NR4A1: variants seen among roughly 807,000 people sequenced by gnomAD.
NR4A1 encodes the protein nuclear receptor subfamily 4immunitygroup A member 1.
NR4A1 carries 24 observed loss-of-function variants against 47.5 expected under a neutral mutation model. That is an observed-to-expected ratio of 0.50 (90% CI 0.37 to 0.71). NR4A1 has a LOEUF of 0.71. NR4A1 is among the 30% of genes least tolerant of loss of function. The pLI, the probability that NR4A1 is intolerant of heterozygous loss-of-function variation, is 0.00. For missense variants in NR4A1, 669 were observed against 788.6 expected, an observed-to-expected ratio of 0.85 and a Z score of 1.82; for synonymous variants, 353 against 345.7, an observed-to-expected ratio of 1.02 and a Z score of -0.24.
At chr12:52,043,986 C>A in intron 2 of NR4A1, 1 of 1,245,206 alleles carries the variant, frequency 8.0e-7, no homozygotes, top group Non-Finnish European at 1.1e-6. Flanking sequence ...ACTGTCATGC[C>A]AAACCCTTTG....
intron 1 of NR4A1, chr12:52,038,112 TG>T: frequency 1.0e-6 from 1 of 955,946 alleles, no homozygotes; most frequent in Non-Finnish European, 1.2e-6. Flanking sequence ...TTGCCCAGGC[TG>T]GAGTGCAGTA....
At chr12:52,047,759 G>T (rs377485243), upstream of NR4A1, among the ~76,000 whole-genome samples, 16 of 152,360 alleles carry the variant, frequency 1.1e-4, no homozygotes, top group East Asian at 5.8e-4. Context: ...GCTTATGGGT[G>T]GGCCTACCCC....
Position 52,028,037 on chromosome 12 carries a change from A to C in NR4A1, c.-84+5098A>C, listed in dbSNP as rs936620039. Among the ~76,000 whole-genome samples, 36 of 151,976 alleles carry C rather than the reference A, an allele frequency of 2.4e-4. 1 individual carries two copies. Among genetic ancestry groups the C allele is most frequent in the African/African-American group, 8.2e-4 (34 of 41,442 alleles). ...GGCAACATGATGAAATCCTGTCTCT[A>C]CAAAAAATACAAAAATTAGCCGGGC... On this transcript the variant is annotated intron_variant, in intron 1 of 7. Coordinates refer to the NR4A1 transcript ENST00000360284.
At chr12:52,058,585 C>T in intron 6 of NR4A1, 103 bp from the exon 7 acceptor site, 1 of 1,390,626 alleles carries the variant, frequency 7.2e-7, no homozygotes, top group Non-Finnish European at 9.5e-7. Flanking sequence ...GCCAGCAGAG[C>T]ATGAGGGGTG....
At chr12:52,055,874 T>G in intron 2 of NR4A1, 156 bp from the exon 3 acceptor site, 1 of 346,716 alleles carries the variant, frequency 2.9e-6, no homozygotes. Context: ...CAACCCCGTC[T>G]CTCCCTCCCT....
Position 52,056,026 on chromosome 12 carries a change from C to T in NR4A1, c.877-4C>T, listed in dbSNP as rs774546734. The T allele has an allele frequency of 6.6e-7, 1 of 1,525,926 alleles. No homozygotes were observed. Among genetic ancestry groups the T allele is most frequent in the Non-Finnish European group, 8.8e-7 (1 of 1,135,612 alleles). The allele number at this position is 1,525,926 out of a possible 1,614,324, so 94.5% of individuals were successfully genotyped here. A position where few individuals can be genotyped will look rare whatever the true frequency, so the allele number is the denominator to read the frequency against. On this transcript the variant is annotated splice_polypyrimidine_tract_variant and splice_region_variant and intron_variant, in intron 2 of 6. Transcript: ENST00000394825. Reference sequence around the variant, plus strand: ...AGCTTGTTCCGTGTTGCCCCCCCACCCAGCGCACAGTGCAGAAAAACGCCA... The same window carrying T: ...AGCTTGTTCCGTGTTGCCCCCCCACTCAGCGCACAGTGCAGAAAAACGCCA...
At chr12:52,034,491 T>C (rs1938195889) in intron 1 of NR4A1, among the ~76,000 whole-genome samples, 1 of 152,192 alleles carries the variant, frequency 6.6e-6, no homozygotes, top group South Asian at 2.1e-4. Context: ...ACCTTTTCTC[T>C]CCTCACCTTT....
chr12:52,052,742 T>A, intron 1 of NR4A1: 1 of 850,430 alleles, frequency 1.2e-6, no homozygotes, highest in Non-Finnish European at 1.4e-6. Flanking sequence ...AGAAACAGGA[T>A]TTGAATAAGG....
chr12:52,037,991 C>G, intron 1 of NR4A1: 1 of 985,028 alleles, frequency 1.0e-6, no homozygotes, highest in Non-Finnish European at 1.2e-6. Context: ...ATTTCCAGAC[C>G]TCCTCCATGG....
At chr12:52,040,658 G>T (rs1938399391) in intron 1 of NR4A1, among the ~76,000 whole-genome samples, 1 of 152,298 alleles carries the variant, frequency 6.6e-6, no homozygotes, top group South Asian at 2.1e-4. Flanking sequence ...GGAGGGAGGG[G>T]TGCTGACAAT....
At chr12:52,034,316 G>C (rs1176437226) in intron 1 of NR4A1, among the ~76,000 whole-genome samples, 3 of 152,194 alleles carry the variant, frequency 2.0e-5, no homozygotes, top group Admixed American at 2.0e-4. Flanking sequence ...GGATGTCCTG[G>C]CAATGTTTCC....
In NR4A1 at chr12:52,054,391, G is replaced by A; in HGVS notation, c.63G>A (p.Leu21=). The change falls in exon 2 of 7, where the codon CTG becomes CTA. Residue 21 remains leucine, a synonymous_variant. Coordinates refer to ENST00000394825, the MANE Select transcript of NR4A1 (RefSeq NM_173157.3). ...CGAGTCCGGGACCCCGTGACCACCT[G>A]GCAAGCGACCCCCTGACCCCTGAGT... The part of the protein sequence containing the change: ...PAPSPGPRDH[L]ASDPLTPEFI... The A allele has an allele frequency of 6.2e-7, 1 of 1,613,474 alleles. No individual in the cohort carries two copies.
chr12:52,025,204 C>A (rs981329469), intron 1 of NR4A1, among the ~76,000 whole-genome samples: 4 of 151,990 alleles, frequency 2.6e-5, no homozygotes, highest in Non-Finnish European at 5.9e-5. Flanking sequence ...GGATTCCAGG[C>A]GGCCGCCACC....
chr12:52,054,901 C>T lies in NR4A1; in HGVS notation c.573C>T (p.Ser191=), dbSNP rs1369703710. The part of the protein sequence containing the change: ...SGPPQPPAFF[S]FSPPTGPSPS... ...CCCCACAGCCTCCAGCCTTCTTTTC[C>T]TTCAGTCCTCCCACCGGCCCCAGCC... is the stretch of plus-strand genomic sequence containing the variant. The change falls in exon 2 of 7, where the codon TCC becomes TCT. Residue 191 remains serine, a synonymous_variant. Transcript: ENST00000394825. 37 of 1,614,036 alleles carry T rather than the reference C, an allele frequency of 2.3e-5. No individual in the cohort carries two copies. Among genetic ancestry groups the T allele is most frequent in the Admixed American group, 3.3e-5 (2 of 60,006 alleles).
At chr12:52,057,011 G>A (rs771535392) in intron 4 of NR4A1, 46 bp from the exon 5 acceptor site, 8 of 1,521,294 alleles carry the variant, frequency 5.3e-6, no homozygotes, top group South Asian at 1.2e-5. Context: ...GGCAGTGGGT[G>A]TAGGAGCCTG....
intron 1 of NR4A1, among the ~76,000 whole-genome samples, chr12:52,041,199 C>T (rs1938421718): frequency 6.6e-6 from 1 of 152,056 alleles, no homozygotes; most frequent in African/African-American, 2.4e-5. Flanking sequence ...TTTTTTTAAG[C>T]CTGCTGATAA....
Position 52,059,094 on chromosome 12 carries a change from C to A in NR4A1, c.*150C>A. ...CCTGCTCCAGGAGGTTTGCAGGGAG[C>A]TCAAGCCCTTGGGGAGGGGGATGCC... is the stretch of plus-strand genomic sequence containing the variant. On this transcript the variant is annotated 3_prime_UTR_variant, in exon 7 of 7. Coordinates refer to ENST00000394825, the MANE Select transcript of NR4A1 (RefSeq NM_173157.3). 1 of 1,042,822 alleles carries A rather than the reference C, an allele frequency of 9.6e-7. No homozygotes were observed. Among genetic ancestry groups the A allele is most frequent in the Non-Finnish European group, 1.4e-6 (1 of 740,576 alleles). The allele number at this position is 1,042,822 out of a possible 1,614,324, so 64.6% of individuals were successfully genotyped here. A position where few individuals can be genotyped will look rare whatever the true frequency, so the allele number is the denominator to read the frequency against.
At chr12:52,050,826 G>C (rs545589108), upstream of NR4A1, among the ~76,000 whole-genome samples, 1 of 152,322 alleles carries the variant, frequency 6.6e-6, no homozygotes, top group African/African-American at 2.4e-5. Context: ...GCTCCCCAGG[G>C]TGTGTCCGAA....
chr12:52,037,455 C>T, intron 1 of NR4A1: 1 of 985,568 alleles, frequency 1.0e-6, no homozygotes, highest in Non-Finnish European at 1.2e-6. Flanking sequence ...TGAGGGGCTG[C>T]CGGGGTGGCG....
Sources: allele counts gnomAD v4.1 joint callset (sites outside exome capture counted in the v4.1 genomes callset), GRCh38; gene constraint gnomAD v4.1.1; transcripts MANE v1.5; gene names NCBI Gene and HGNC (gene_info 2026-07-23, HGNC 2026-07-21).